CRACDL: variants seen among roughly 807,000 people sequenced by gnomAD.
The protein encoded by CRACDL is CRACD-like protein.
Under a neutral mutation model 70.6 loss-of-function variants are expected in CRACDL, and 26 were observed. The observed-to-expected ratio is 0.37, with a 90% CI of 0.27 to 0.51. CRACDL has a LOEUF of 0.51. Among genes scored for constraint, CRACDL ranks in the 20% least tolerant of loss-of-function variants. CRACDL has a pLI of 0.94. For missense variants in CRACDL, 1,283 were observed against 1,376.9 expected, an observed-to-expected ratio of 0.93 and a Z score of 1.08; for synonymous variants, 618 against 615.2, an observed-to-expected ratio of 1.00 and a Z score of -0.07.
intron 2 of CRACDL, among the ~76,000 whole-genome samples, chr2:98,840,984 C>A (rs12990579): frequency 0.35 from 53,809 of 151,844 alleles, 9,953 homozygotes; most frequent in African/African-American, 0.45. Context: ...TTTGGATTTT[C>A]AAATTTGAGA....
At chr2:98,817,917 AT>A (rs200229212) in intron 7 of CRACDL, among the ~76,000 whole-genome samples, 13 of 151,954 alleles carry the variant, frequency 8.6e-5, no homozygotes, top group Non-Finnish European at 1.0e-4. Context: ...TGTAAAAAAA[AT>A]AAATCTCATA....
At chr2:98,914,634 C>T (rs373751641) in intron 1 of CRACDL, among the ~76,000 whole-genome samples, 1 of 152,220 alleles carries the variant, frequency 6.6e-6, no homozygotes, top group East Asian at 1.9e-4. Context: ...CCCCCACCAG[C>T]CTTCGCCTGC....
intron 7 of CRACDL, among the ~76,000 whole-genome samples, chr2:98,805,203 A>T (rs1685848314): frequency 6.6e-6 from 1 of 152,120 alleles, no homozygotes; most frequent in Non-Finnish European, 1.5e-5. Context: ...TGGTGTATTC[A>T]GTCTGGAAAT....
intron 1 of CRACDL, among the ~76,000 whole-genome samples, chr2:98,911,483 G>A (rs72957665): frequency 3.1e-4 from 47 of 152,302 alleles, no homozygotes; most frequent in African/African-American, 1.1e-3. Flanking sequence ...TCTCACAGTT[G>A]AGAATTTCCC....
At chr2:98,889,338 AG>A (rs1707901405) in intron 1 of CRACDL, among the ~76,000 whole-genome samples, 1 of 123,516 alleles carries the variant, frequency 8.1e-6, no homozygotes, top group Non-Finnish European at 1.8e-5. Context: ...AAAGAAAGAA[AG>A]AAAGGAAACA....
intron 3 of CRACDL, among the ~76,000 whole-genome samples, chr2:98,836,248 C>T (rs891573176): frequency 2.0e-5 from 3 of 152,270 alleles, no homozygotes; most frequent in South Asian, 4.1e-4. Flanking sequence ...GTGGTTTGCT[C>T]GCACTAATGT....
intron 2 of CRACDL, among the ~76,000 whole-genome samples, chr2:98,845,140 C>T (rs1196075849): frequency 6.6e-6 from 1 of 151,802 alleles, no homozygotes; most frequent in East Asian, 1.9e-4. Context: ...GGCAAAGTGG[C>T]TTTTATACTC....
intron 7 of CRACDL, among the ~76,000 whole-genome samples, chr2:98,798,143 G>A (rs1053258186): frequency 6.6e-6 from 1 of 152,096 alleles, no homozygotes; most frequent in Non-Finnish European, 1.5e-5. Flanking sequence ...TCAGGAGTTC[G>A]AGACCAACTT....
chr2:98,795,989 C>T, intron 9 of CRACDL, 131 bp downstream of exon 9: 1 of 807,586 alleles, frequency 1.2e-6, no homozygotes, highest in South Asian at 1.5e-5. Flanking sequence ...AATTGTATCT[C>T]CGTAAGAGCT....
chr2:98,861,370 C>G (rs1216387751), intron 1 of CRACDL, among the ~76,000 whole-genome samples: 2 of 152,060 alleles, frequency 1.3e-5, no homozygotes, highest in South Asian at 4.1e-4. Context: ...ACAACAAAAC[C>G]ACAGTGAGTT....
At chr2:98,852,961 A>AG (rs1706539001) in intron 1 of CRACDL, among the ~76,000 whole-genome samples, 1 of 104,608 alleles carries the variant, frequency 9.6e-6, no homozygotes, top group Non-Finnish European at 1.8e-5. Context: ...AGGAGAGGGA[A>AG]GGGGTGGGTG....
chr2:98,847,143 C>T (rs1034176377), intron 1 of CRACDL, among the ~76,000 whole-genome samples: 2 of 152,212 alleles, frequency 1.3e-5, no homozygotes, highest in Non-Finnish European at 2.9e-5. Context: ...TTGTTTACTA[C>T]AGGAAGTTTG....
chr2:98,819,600 T>G (rs1704936405), intron 7 of CRACDL, among the ~76,000 whole-genome samples: 1 of 152,212 alleles, frequency 6.6e-6, no homozygotes, highest in Non-Finnish European at 1.5e-5. Context: ...TCTTTGGAAC[T>G]GTGAATCCTT....
In CRACDL at chr2:98,822,215, G is replaced by T; in HGVS notation, c.2058C>A (p.Leu686=). ...ATTTGAGCGAGAGGGAGGTGGACCG[G>T]AGCTTGACGGGGAAGGGGTTTCTGT... ...SEDRNPFPVK[L]RSTSLSLKYR... The change falls in exon 7 of 10, where the codon CTC becomes CTA. Residue 686 remains leucine, a synonymous_variant. Transcript: ENST00000397899. The surrounding 1 kb of genome is among the most constrained non-coding windows in gnomAD (Gnocchi z 4.9). 6.2e-7 allele frequency: 1 copy of T among 1,608,596 alleles called. No homozygotes were observed. Among genetic ancestry groups the T allele is most frequent in the Non-Finnish European group, 8.5e-7 (1 of 1,179,238 alleles).
chr2:98,918,215 T>A (rs1285218965), intron 1 of CRACDL, among the ~76,000 whole-genome samples: 1 of 152,136 alleles, frequency 6.6e-6, no homozygotes, highest in African/African-American at 2.4e-5. Context: ...CCATACAGCT[T>A]GTACTAATTT....
At chr2:98,920,062 G>GT (rs1271387307) in intron 1 of CRACDL, among the ~76,000 whole-genome samples, 3 of 152,096 alleles carry the variant, frequency 2.0e-5, no homozygotes, top group African/African-American at 4.8e-5. Flanking sequence ...CCTACAATAC[G>GT]TTTTTTAATA....
chr2:98,798,443 C>CAAAAAAAAAAAA (rs70940125), intron 7 of CRACDL, among the ~76,000 whole-genome samples: 1 of 44,330 alleles, frequency 2.3e-5, no homozygotes, highest in Non-Finnish European at 4.2e-5. Flanking sequence ...GACTCCGTCT[C>CAAAAAAAAAAAA]AAAAAAAAAA....
chr2:98,875,717 G>A (rs912593122), intron 1 of CRACDL, among the ~76,000 whole-genome samples: 3 of 152,242 alleles, frequency 2.0e-5, no homozygotes, highest in Non-Finnish European at 2.9e-5. Context: ...CCCATTACAA[G>A]AGACTAAGAA....
intron 1 of CRACDL, among the ~76,000 whole-genome samples, chr2:98,897,160 C>T (rs1157242723): frequency 2.6e-5 from 4 of 152,142 alleles, no homozygotes. Context: ...TGTTCTCCGT[C>T]ACGATCGTTC....
Sources: gnomAD v4.1 joint callset for allele counts (sites outside exome capture counted in the v4.1 genomes callset) on GRCh38, gnomAD v4.1.1 for gene constraint, Gnocchi (gnomAD v3.1) non-coding constraint, MANE v1.5 for transcripts, NCBI Gene and HGNC (gene_info 2026-07-23, HGNC 2026-07-21) for gene names.